The following TMEM223 variants were observed in gnomAD, a reference collection of about 807,000 sequenced individuals.
TMEM223 encodes transmembrane protein 223.
In TMEM223, 14 loss-of-function variants were observed where a neutral mutation model predicts 14.1. The ratio of observed to expected loss-of-function variants is 0.99; its 90% confidence interval spans 0.66 to 1.55. TMEM223 has a LOEUF of 1.55. Among genes scored for constraint, TMEM223 ranks in the 40% most tolerant of loss-of-function variants. The probability of loss-of-function intolerance (pLI) is 0.00; values close to 1 mark genes in which losing one functional copy is unlikely to be tolerated. For synonymous variants in TMEM223, 145 were observed against 120.5 expected (o/e 1.20, Z -1.33); for missense variants, 346 against 269.9 (o/e 1.28, Z -1.97).
downstream of TMEM223, among the ~76,000 whole-genome samples, chr11:62,783,556 C>T (rs1034623356): frequency 7.2e-6 from 1 of 138,768 alleles, no homozygotes; most frequent in Non-Finnish European, 1.5e-5. Context: ...TTTTTTGAGA[C>T]GGAGTTTTGC....
At chr11:62,786,471 C>T, downstream of TMEM223, 2 of 1,585,354 alleles carry the variant, frequency 1.3e-6, no homozygotes, top group Non-Finnish European at 1.7e-6. Context: ...TTGATGGGCC[C>T]AGGTTCCTCG....
At chr11:62,775,984 A>T in intron 1 of TMEM223, 1 of 1,554,918 alleles carries the variant, frequency 6.4e-7, no homozygotes, top group Non-Finnish European at 8.7e-7. Flanking sequence ...CTGCCTTTTT[A>T]CTAACCTCCA....
chr11:62,772,545 C>T (rs552039552), intron 2 of TMEM223, among the ~76,000 whole-genome samples: 1 of 135,286 alleles, frequency 7.4e-6, no homozygotes, highest in Non-Finnish European at 1.6e-5. Context: ...AAAAGCTCGT[C>T]GGGCCAGGTG....
At chr11:62,775,764 C>T (rs761077051) in intron 1 of TMEM223, 2 of 1,597,054 alleles carry the variant, frequency 1.3e-6, no homozygotes, top group Non-Finnish European at 1.7e-6. Flanking sequence ...TCATTCTCCA[C>T]TCCCAGCTCC....
chr11:62,786,653 G>A (rs761521785), downstream of TMEM223: 3 of 1,605,272 alleles, frequency 1.9e-6, no homozygotes, highest in Non-Finnish European at 2.6e-6. Flanking sequence ...TCCTCCGGGG[G>A]CGGTGCAGAA....
intron 1 of TMEM223, among the ~76,000 whole-genome samples, chr11:62,781,049 A>G (rs539268142): frequency 6.6e-6 from 1 of 151,762 alleles, no homozygotes. Context: ...TAGCCTGGTC[A>G]ACATGGCAAA....
intron 1 of TMEM223, chr11:62,778,709 G>A (rs958391443): frequency 1.0e-5 from 7 of 672,436 alleles, no homozygotes; most frequent in Non-Finnish European, 1.6e-5. Context: ...AGATGGTCAG[G>A]GCTGAGCAGG....
rs1224699081 is a variant in TMEM223, at chr11:62,790,160, TG to T, written c.*462del. On this transcript the variant is annotated 3_prime_UTR_variant, in exon 2 of 2. Coordinates refer to ENST00000307366, the MANE Select transcript of TMEM223 (RefSeq NM_001080501.3). ...TCTTAGTTTTCCTTTCGTTGGGGGG[TG>T]GGGGGGAAACATAATGACAGGCCCC... 2.2e-4 allele frequency: 147 copies of T among 681,346 alleles called. 1 individual carries two copies. Among genetic ancestry groups the T allele is most frequent in the Middle Eastern group, 4.8e-4 (1 of 2,094 alleles). The allele number at this position is 681,346 out of a possible 1,614,324, so 42.2% of individuals were successfully genotyped here.
At chr11:62,776,379 C>G (rs369101203) in intron 1 of TMEM223, 1 of 1,613,166 alleles carries the variant, frequency 6.2e-7, no homozygotes. Flanking sequence ...TTCCCTCCCT[C>G]CCAGAATAGC....
chr11:62,784,158 T>A (rs2134721882), downstream of TMEM223, among the ~76,000 whole-genome samples: 1 of 145,864 alleles, frequency 6.9e-6, no homozygotes, highest in South Asian at 2.2e-4. Context: ...GCCAGTTAAT[T>A]TTTGTATTTT....
chr11:62,787,620 C>T (rs770241830), downstream of TMEM223: 46 of 1,403,708 alleles, frequency 3.3e-5, no homozygotes, highest in Non-Finnish European at 4.1e-5. Flanking sequence ...CTTGCTGCTG[C>T]TCGGAGCCGG....
At chr11:62,786,722 C>T (rs774819975), downstream of TMEM223, 212 of 1,612,986 alleles carry the variant, frequency 1.3e-4, no homozygotes, top group Non-Finnish European at 1.7e-4. Flanking sequence ...GAGGACCCTT[C>T]TCTTTCGGTG....
chr11:62,774,688 C>T (rs768674186), intron 1 of TMEM223: 5 of 454,606 alleles, frequency 1.1e-5, no homozygotes, highest in Non-Finnish European at 2.2e-5. Flanking sequence ...CAGGTTCCAG[C>T]ATTTAGGCAC....
At chr11:62,788,027 C>T (rs1214375751), downstream of TMEM223, 6 of 458,150 alleles carry the variant, frequency 1.3e-5, no homozygotes, top group Admixed American at 1.4e-4. Flanking sequence ...TTTACCCCAG[C>T]CAGGTAATCT....
chr11:62,790,234 T>C lies in TMEM223; in HGVS notation c.*389A>G, dbSNP rs185659100. 12 of 649,788 alleles carry C rather than the reference T, an allele frequency of 1.8e-5. No individual in the cohort carries two copies. Among genetic ancestry groups the C allele is most frequent in the Non-Finnish European group, 2.8e-5 (11 of 398,236 alleles). 40.3% of individuals were successfully genotyped at this position (649,788 alleles called of 1,614,324 possible). The stretch of plus-strand genomic sequence containing the variant: ...TTTTTGTACCAAAATATTATATTAC[T>C]GTCTTCATCTTAGTAGTGAGTTTTT... On this transcript the variant is annotated 3_prime_UTR_variant, in exon 2 of 2. Coordinates refer to ENST00000307366, the MANE Select transcript of TMEM223 (RefSeq NM_001080501.3).
chr11:62,775,593 C>T (rs1002753905), intron 1 of TMEM223: 52 of 624,264 alleles, frequency 8.3e-5, no homozygotes, highest in Admixed American at 1.3e-4. Context: ...CCGTTCTTGA[C>T]CCACTGGCCA....
chr11:62,789,944 A>G (rs2084338809), downstream of TMEM223: 1 of 1,613,924 alleles, frequency 6.2e-7, no homozygotes. Flanking sequence ...CAGGTCGTGC[A>G]GTGGAAGTCT....
intron 1 of TMEM223, 67 bp from the exon 2 acceptor site, chr11:62,790,982 G>A (rs2084354792): frequency 5.6e-6 from 8 of 1,431,322 alleles, no homozygotes; most frequent in Middle Eastern, 2.1e-4. Context: ...CCTTTCCAGT[G>A]CCCTCTGAAT....
chr11:62,782,382 G>T, intron 1 of TMEM223: 1 of 1,583,746 alleles, frequency 6.3e-7, no homozygotes, highest in South Asian at 1.1e-5. Flanking sequence ...AGAGCCAAGT[G>T]GGTTGGGGTA....
Sources: allele counts gnomAD v4.1 joint callset (sites outside exome capture counted in the v4.1 genomes callset), GRCh38; gene constraint gnomAD v4.1.1; transcripts MANE v1.5; gene names NCBI Gene and HGNC (gene_info 2026-07-23, HGNC 2026-07-21).